Variants in GAS7 observed in about 807,000 individuals in gnomAD.
GAS7 encodes the protein growth arrest-specific protein 7.
A neutral mutation model predicts 71.1 loss-of-function variants in GAS7; 28 were observed. The observed-to-expected ratio is 0.39, with a 90% CI of 0.29 to 0.54. The LOEUF (loss-of-function observed/expected upper bound fraction) is 0.54, where lower values mean the gene tolerates loss of function less well. Among genes scored for constraint, GAS7 ranks in the 20% least tolerant of loss-of-function variants. The probability of loss-of-function intolerance (pLI) is 0.62; values close to 1 mark genes in which losing one functional copy is unlikely to be tolerated. For synonymous variants in GAS7, 258 were observed against 245.8 expected (o/e 1.05, Z -0.46); for missense variants, 436 against 627.8 (o/e 0.69, Z 3.27).
intron 1 of GAS7, among the ~76,000 whole-genome samples, chr17:10,082,994 G>A (rs893194112): frequency 1.3e-5 from 2 of 152,198 alleles, no homozygotes; most frequent in Non-Finnish European, 2.9e-5. Flanking sequence ...TGGGTACAGA[G>A]GAGAGAAACT....
chr17:9,977,562 C>G (rs1445203102), intron 3 of GAS7, among the ~76,000 whole-genome samples: 3 of 152,180 alleles, frequency 2.0e-5, no homozygotes, highest in African/African-American at 7.2e-5. Context: ...AAGTTTATTT[C>G]TTACTCATGC....
chr17:10,149,711 G>A (rs562358850), intron 1 of GAS7, among the ~76,000 whole-genome samples: 54 of 152,292 alleles, frequency 3.5e-4, no homozygotes, highest in African/African-American at 1.1e-3. Flanking sequence ...TCCATCCACT[G>A]ATGGACAGGT....
chr17:10,022,087 G>A (rs116975214), intron 1 of GAS7, among the ~76,000 whole-genome samples: 64 of 152,200 alleles, frequency 4.2e-4, no homozygotes, highest in East Asian at 4.1e-3. Flanking sequence ...GGAAGACTCC[G>A]TCTGCAAATA....
chr17:10,001,469 C>T (rs926351369), intron 2 of GAS7, among the ~76,000 whole-genome samples: 10 of 152,106 alleles, frequency 6.6e-5, no homozygotes, highest in East Asian at 1.9e-4. Flanking sequence ...GTCTCACTGC[C>T]GGGAGACACC....
At chr17:9,937,464 G>A (rs999807561) in intron 8 of GAS7, among the ~76,000 whole-genome samples, 22 of 152,200 alleles carry the variant, frequency 1.4e-4, no homozygotes, top group African/African-American at 5.3e-4. Context: ...TCCTCTATGT[G>A]CCCCCTTCCT....
chr17:10,110,293 G>A (rs1346186494), intron 1 of GAS7, among the ~76,000 whole-genome samples: 1 of 152,204 alleles, frequency 6.6e-6, no homozygotes, highest in East Asian at 1.9e-4. Context: ...AATAAGCCAG[G>A]CATAGAAAGA....
intron 1 of GAS7, among the ~76,000 whole-genome samples, chr17:10,083,164 A>G (rs2152252342): frequency 6.6e-6 from 1 of 152,394 alleles, no homozygotes; most frequent in East Asian, 1.9e-4. Context: ...GATTTTAAAA[A>G]TACGAATGGC....
At chr17:10,133,116 T>TATATATA (rs1319814933) in intron 1 of GAS7, among the ~76,000 whole-genome samples, 2,816 of 144,182 alleles carry the variant, frequency 0.02, 51 homozygotes, top group Non-Finnish European at 0.028. Context: ...GATTATATAT[T>TATATATA]TTTATATTTT....
At chr17:10,141,668 C>T (rs1454056239) in intron 1 of GAS7, among the ~76,000 whole-genome samples, 1 of 152,140 alleles carries the variant, frequency 6.6e-6, no homozygotes, top group African/African-American at 2.4e-5. Flanking sequence ...AGGGCACATT[C>T]CAGCTCTGCC....
intron 1 of GAS7, among the ~76,000 whole-genome samples, chr17:10,187,225 C>A (rs1276392346): frequency 6.6e-6 from 1 of 152,180 alleles, no homozygotes; most frequent in Admixed American, 6.5e-5. Context: ...GAGCATTCCA[C>A]ACACTGGGCG....
rs555517563 is a variant in GAS7, at chr17:10,005,761, T to C, written c.304+14016A>G. 1.4e-4 allele frequency among the ~76,000 whole-genome samples: 21 copies of C among 152,322 alleles called. No individual in the cohort carries two copies. In the East Asian group the frequency reaches 3.7e-3, roughly 27 times the overall value. Reference sequence around the variant, plus strand: ...GTGACATCTACCCTCCCTGTGTCTTTGCAAGACAGCTCTCCTGGATTCCAG... The same window carrying C: ...GTGACATCTACCCTCCCTGTGTCTTCGCAAGACAGCTCTCCTGGATTCCAG... On this transcript the variant is annotated intron_variant, in intron 2 of 13. Coordinates refer to ENST00000432992, the MANE Select transcript of GAS7 (RefSeq NM_201433.2).
chr17:10,138,994 ATC>A, intron 1 of GAS7, among the ~76,000 whole-genome samples: 1 of 152,176 alleles, frequency 6.6e-6, no homozygotes, highest in Admixed American at 6.6e-5. Flanking sequence ...AAAATCCCAC[ATC>A]TATTTGTGCC....
At chr17:10,185,288 A>G (rs1037599414) in intron 1 of GAS7, among the ~76,000 whole-genome samples, 5 of 152,160 alleles carry the variant, frequency 3.3e-5, no homozygotes, top group African/African-American at 4.8e-5. Context: ...AGGTGCTAGG[A>G]GAGTCCAGAG....
At chr17:9,946,058 C>T (rs2068775505) in intron 6 of GAS7, among the ~76,000 whole-genome samples, 2 of 152,106 alleles carry the variant, frequency 1.3e-5, no homozygotes, top group South Asian at 4.2e-4. Flanking sequence ...TCTTTGGACA[C>T]TTGTTTTTTT....
At chr17:10,095,005 A>T (rs1400599563) in intron 1 of GAS7, among the ~76,000 whole-genome samples, 1 of 152,120 alleles carries the variant, frequency 6.6e-6, no homozygotes, top group African/African-American at 2.4e-5. Context: ...AGATCGCCAC[A>T]TGCAATCTTT....
At chr17:10,117,704 C>G (rs2073872642) in intron 1 of GAS7, among the ~76,000 whole-genome samples, 1 of 152,170 alleles carries the variant, frequency 6.6e-6, no homozygotes, top group East Asian at 1.9e-4. Flanking sequence ...TGTGTTCAGA[C>G]CCTTCCTGTG....
intron 2 of GAS7, among the ~76,000 whole-genome samples, chr17:9,998,864 C>A (rs761717952): frequency 1.3e-5 from 2 of 152,210 alleles, no homozygotes; most frequent in South Asian, 4.2e-4. Context: ...TTAGTATGAG[C>A]GGGTTTCTAG....
At chr17:10,148,244 T>C (rs1438990131) in intron 1 of GAS7, among the ~76,000 whole-genome samples, 4 of 152,154 alleles carry the variant, frequency 2.6e-5, no homozygotes, top group South Asian at 4.1e-4. Context: ...AGCTGCCTCG[T>C]TGGTTTCGGT....
At chr17:10,059,741 C>T in intron 1 of GAS7, 1 of 985,300 alleles carries the variant, frequency 1.0e-6, no homozygotes, top group Non-Finnish European at 1.2e-6. Context: ...TGGTCATTTT[C>T]TGCCACCATC....
Sources: gnomAD v4.1 joint callset for allele counts (sites outside exome capture counted in the v4.1 genomes callset) on GRCh38, gnomAD v4.1.1 for gene constraint, MANE v1.5 for transcripts, NCBI Gene and HGNC (gene_info 2026-07-23, HGNC 2026-07-21) for gene names.